The following NOTCH4 variants were observed in gnomAD, a reference collection of about 807,000 sequenced individuals.
NOTCH4 encodes the protein notch receptor 4.
NOTCH4 carries 138 observed loss-of-function variants against 189.0 expected under a neutral mutation model. That is an observed-to-expected ratio of 0.73 (90% CI 0.64 to 0.84). The LOEUF (loss-of-function observed/expected upper bound fraction) is 0.84, where lower values mean the gene tolerates loss of function less well. Among genes scored for constraint, NOTCH4 ranks in the 40% least tolerant of loss-of-function variants. The probability of loss-of-function intolerance (pLI) is 0.00; values close to 1 mark genes in which losing one functional copy is unlikely to be tolerated. For synonymous variants in NOTCH4, 942 were observed against 1,032.8 expected, an observed-to-expected ratio of 0.91 and a Z score of 1.69; for missense variants, 2,286 against 2,605.4, an observed-to-expected ratio of 0.88 and a Z score of 2.67.
rs1440928738 is a variant in NOTCH4, at chr6:32,199,903, C to T, written c.4316-758G>A. ...CAGAAAACAAACACACAAAAAAAGG[C>T]TGAGTATCCATAACCCCAATCCCAA... On this transcript the variant is annotated intron_variant, in intron 23 of 29. Coordinates refer to ENST00000375023, the MANE Select transcript of NOTCH4 (RefSeq NM_004557.4). This position sits in a 1 kb window ranked among gnomAD's most constrained non-coding sequence, Gnocchi z 4.9. Among the ~76,000 whole-genome samples the T allele has an allele frequency of 6.6e-6, 1 of 152,030 alleles. No individual in the cohort carries two copies. Among genetic ancestry groups the T allele is most frequent in the Admixed American group, 6.6e-5 (1 of 15,250 alleles).
At position 32,210,521 on chromosome 6, in the gene NOTCH4, C is replaced by G. The variant is rs150562011; in HGVS notation, c.2865+231G>C. Among the ~76,000 whole-genome samples the G allele has an allele frequency of 6.6e-6, 1 of 152,054 alleles. No homozygotes were observed. Among genetic ancestry groups the G allele is most frequent in the Non-Finnish European group, 1.5e-5 (1 of 68,024 alleles). ...GGCTGATGCAAGTATCTATCTGGAA[C>G]GCAACAAAGGTCAGGACTCAGGCAG... On this transcript the variant is annotated intron_variant, in intron 18 of 29. Coordinates refer to ENST00000375023, the MANE Select transcript of NOTCH4 (RefSeq NM_004557.4). This position sits in a 1 kb window ranked among gnomAD's most constrained non-coding sequence, Gnocchi z 4.8.
In NOTCH4 at chr6:32,199,210, C is replaced by T. The variant is rs888119308; in HGVS notation, c.4316-65G>A. 10 of 1,260,464 alleles carry T rather than the reference C, an allele frequency of 7.9e-6. No individual in the cohort carries two copies. The highest frequency in any genetic ancestry group is 1.5e-5 in the South Asian group (1 of 66,460). 78.1% of individuals were successfully genotyped at this position (1,260,464 alleles called of 1,614,324 possible). A position where few individuals can be genotyped will look rare whatever the true frequency, so the allele number is the denominator to read the frequency against. The stretch of plus-strand genomic sequence containing the variant: ...GGTGAGACTGATTACTATTGGGAGA[C>T]CTTTGGACAAGTTTAGTAGCCGGTC... On this transcript the variant is annotated intron_variant, in intron 23 of 29. Coordinates refer to ENST00000375023, the MANE Select transcript of NOTCH4 (RefSeq NM_004557.4). The surrounding 1 kb of genome is among the most constrained non-coding windows in gnomAD (Gnocchi z 4.9).
chr6:32,217,004 C>G lies in NOTCH4; in HGVS notation c.1802G>C (p.Gly601Ala), dbSNP rs762081312. ...DECLSDPCPV[G>A]ASCLDLPGAF... ...TCCTGGAAGATCAAGGCAGCTGGCT[C>G]CAACGGGACATGGGTCACTCAGGCA... Residue 601 changes from glycine to alanine, a missense_variant, in exon 11 of 30, where the codon GGA (glycine) becomes GCA (alanine). Physicochemically the swap from Gly to Ala is moderately conservative, Grantham distance 60 (BLOSUM62 0). This residue lies in a region of NOTCH4 where 1,903 missense variants were observed against 2,261.9 expected (regional missense o/e 0.84). Transcript: ENST00000375023. The surrounding 1 kb of genome is among the most constrained non-coding windows in gnomAD (Gnocchi z 4.2). The G allele has an allele frequency of 6.2e-7, 1 of 1,613,108 alleles. No individual in the cohort carries two copies. The highest frequency in any genetic ancestry group is 8.5e-7 in the Non-Finnish European group (1 of 1,180,042).
Position 32,195,378 on chromosome 6 carries a change from T to TA in NOTCH4, c.*58_*59insT. On this transcript the variant is annotated 3_prime_UTR_variant, in exon 30 of 30. Transcript: ENST00000375023. The surrounding 1 kb of genome is among the most constrained non-coding windows in gnomAD (Gnocchi z 5.4). ...GATCCATCTTAAAACCAGGAAGGCC[T>TA]TCCAGCCTGCCTTTTAATGGGTAAT... is the stretch of plus-strand genomic sequence containing the variant. 6.7e-7 allele frequency: 1 copy of TA among 1,494,560 alleles called. No homozygotes were observed. Among genetic ancestry groups the TA allele is most frequent in the Admixed American group, 2.2e-5 (1 of 45,440 alleles). 92.6% of individuals were successfully genotyped at this position (1,494,560 alleles called of 1,614,324 possible).
Position 32,201,347 on chromosome 6 carries a change from C to T in NOTCH4, c.3909G>A (p.Leu1303=), listed in dbSNP as rs1177621330. ...WGPSLALLVV[L]SPPALDQQLF... ...GCTGCTGGTCTAGGGCTGGGGGGCTCAGTACCACCAGCAGGGCCAGGGAGG... is the reference window on the plus strand; with the variant it reads ...GCTGCTGGTCTAGGGCTGGGGGGCTTAGTACCACCAGCAGGGCCAGGGAGG... Residue 1303 remains leucine, a synonymous_variant, in exon 22 of 30, where the codon CTG becomes CTA. Coordinates refer to ENST00000375023, the MANE Select transcript of NOTCH4 (RefSeq NM_004557.4). The surrounding 1 kb of genome is among the most constrained non-coding windows in gnomAD (Gnocchi z 5.5). 4 of 1,608,800 alleles carry T rather than the reference C, an allele frequency of 2.5e-6. No individual in the cohort carries two copies. In the South Asian group the frequency reaches 4.4e-5, roughly 18 times the overall value.
At chr6:32,214,423 C>T (rs977783211) in intron 12 of NOTCH4, among the ~76,000 whole-genome samples, 168 bp from the exon 13 acceptor site, 3 of 147,314 alleles carry the variant, frequency 2.0e-5, no homozygotes, top group Admixed American at 6.8e-5. Flanking sequence ...AACACCTGCT[C>T]ATTTTCTCCA....
chr6:32,199,022 G>C lies in NOTCH4; in HGVS notation c.4439C>G (p.Ala1480Gly). The C allele has an allele frequency of 6.2e-7, 1 of 1,612,746 alleles. No homozygotes were observed. Among genetic ancestry groups the C allele is most frequent in the Non-Finnish European group, 8.5e-7 (1 of 1,179,884 alleles). ...LIRRRRREHG[A>G]LWLPPGFTRR... ...AGTGAAACCAGGGGGCAGCCAGAGA[G>C]CTCCATGCTCTCGGCGTCGACGCCG... is the stretch of plus-strand genomic sequence containing the variant. The change falls in exon 24 of 30, where the codon GCT becomes GGT. Residue 1480 changes from alanine (A) to glycine (G), a missense_variant. Transcript: ENST00000375023. The surrounding 1 kb of genome is among the most constrained non-coding windows in gnomAD (Gnocchi z 4.9).
In NOTCH4 at chr6:32,200,841, A is replaced by G. The variant is rs757918666; in HGVS notation, c.4305T>C (p.His1435=). ...CAAGGGGTCACCTACCGGTCCCTGC[A>G]TGAGGGTGGACAGCCAGCAGTGGTC... The part of the protein sequence containing the change: ...LPGPLLAVHP[H]AGTAPPANQL... The change falls in exon 23 of 30, where the codon CAT becomes CAC. Residue 1435 remains histidine (H), a synonymous_variant. Coordinates refer to ENST00000375023, the MANE Select transcript of NOTCH4 (RefSeq NM_004557.4). The surrounding 1 kb of genome is among the most constrained non-coding windows in gnomAD (Gnocchi z 5.0). The G allele has an allele frequency of 4.4e-6, 7 of 1,605,664 alleles. No individual in the cohort carries two copies. Among genetic ancestry groups the G allele is most frequent in the East Asian group, 4.5e-5 (2 of 44,778 alleles).
chr6:32,203,400 G>A, intron 20 of NOTCH4: 1 of 227,336 alleles, frequency 4.4e-6, no homozygotes, highest in Non-Finnish European at 8.5e-6. Context: ...ACCAATGTCA[G>A]TGTATCAGGA....
Position 32,201,068 on chromosome 6 carries a change from C to T in NOTCH4, c.4139+49G>A. On this transcript the variant is annotated intron_variant, in intron 22 of 29. Transcript: ENST00000375023. The surrounding 1 kb of genome is among the most constrained non-coding windows in gnomAD (Gnocchi z 5.5). ...CCCTGGCTCCCTTTCCTCCCTCTGC[C>T]CTCTTAAAAAAACTGGTGTCTGGCC... The T allele has an allele frequency of 6.4e-7, 1 of 1,572,422 alleles. No homozygotes were observed. Among genetic ancestry groups the T allele is most frequent in the Non-Finnish European group, 8.6e-7 (1 of 1,159,932 alleles).
At position 32,201,997 on chromosome 6, in the gene NOTCH4, A is replaced by G. The variant is rs1788377437; in HGVS notation, c.3755+79T>C. On this transcript the variant is annotated intron_variant, in intron 21 of 29. Transcript: ENST00000375023. The surrounding 1 kb of genome is among the most constrained non-coding windows in gnomAD (Gnocchi z 5.5). ...GAGCCCAAGGCTGTGGCCACACTGT[A>G]ACTCAGAGCCATCTACGTCCTTCCT... is the stretch of plus-strand genomic sequence containing the variant. 1 of 1,326,170 alleles carries G rather than the reference A, an allele frequency of 7.5e-7. No individual in the cohort carries two copies. Among genetic ancestry groups the G allele is most frequent in the Non-Finnish European group, 9.9e-7 (1 of 1,012,706 alleles). The allele number at this position is 1,326,170 out of a possible 1,614,324, so 82.2% of individuals were successfully genotyped here.
Position 32,195,387 on chromosome 6 carries a change from G to A in NOTCH4, c.*50C>T, listed in dbSNP as rs948200351. 1.3e-6 allele frequency: 2 copies of A among 1,505,576 alleles called. No homozygotes were observed. The highest frequency in any genetic ancestry group is 1.8e-6 in the Non-Finnish European group (2 of 1,123,064). 93.3% of individuals were successfully genotyped at this position (1,505,576 alleles called of 1,614,324 possible). A position where few individuals can be genotyped will look rare whatever the true frequency, so the allele number is the denominator to read the frequency against. Reference sequence around the variant, plus strand: ...TAAAACCAGGAAGGCCTTCCAGCCTGCCTTTTAATGGGTAATCATTTTTGG... The same window carrying A: ...TAAAACCAGGAAGGCCTTCCAGCCTACCTTTTAATGGGTAATCATTTTTGG... On this transcript the variant is annotated 3_prime_UTR_variant, in exon 30 of 30. Coordinates refer to ENST00000375023, the MANE Select transcript of NOTCH4 (RefSeq NM_004557.4). This position sits in a 1 kb window ranked among gnomAD's most constrained non-coding sequence, Gnocchi z 5.4.
rs1789734377 is a variant in NOTCH4 at position 32,220,997 on chromosome 6, G to A, written c.780C>T (p.His260=). ...QLMPEKDSTF[H]LCLCPPGFIG... The stretch of plus-strand genomic sequence containing the variant: ...ACACACCTGGGGGACAGAGGCAGAG[G>A]TGAAAGGTGGAGTCTTTCTCTGGCA... The change falls in exon 4 of 30, where the codon CAC becomes CAT. Residue 260 remains histidine, a synonymous_variant. Transcript: ENST00000375023. The A allele has an allele frequency of 1.2e-6, 2 of 1,604,734 alleles. No homozygotes were observed. Among genetic ancestry groups the A allele is most frequent in the African/African-American group, 1.3e-5 (1 of 74,756 alleles).
chr6:32,204,270 A>G lies in NOTCH4; in HGVS notation c.2985T>C (p.Pro995=). Residue 995 remains proline, a synonymous_variant, in exon 19 of 30, where the codon CCT becomes CCC. Transcript: ENST00000375023. ...PKPGGFHCAC[P]PGFVGLRCEG... ...CACAGCGTAGCCCCACAAAGCCTGG[A>G]GGGCAGGCACAGTGGAATCCTCCAG... 6.2e-7 allele frequency: 1 copy of G among 1,613,082 alleles called. No individual in the cohort carries two copies. Among genetic ancestry groups the G allele is most frequent in the Non-Finnish European group, 8.5e-7 (1 of 1,180,040 alleles).
In NOTCH4 at chr6:32,204,130, G is replaced by A. The variant is rs1273953942; in HGVS notation, c.3118+7C>T. On this transcript the variant is annotated splice_region_variant and intron_variant, in intron 19 of 29. Transcript: ENST00000375023. ...ACACACTTGTGCCCCTTGTCTTGGG[G>A]CCTCACCTGTGTGTCCAGGCAGACA... 1.2e-6 allele frequency: 2 copies of A among 1,612,148 alleles called. No homozygotes were observed. Among genetic ancestry groups the A allele is most frequent in the African/African-American group, 1.3e-5 (1 of 75,020 alleles).
intron 4 of NOTCH4, 24 bp downstream of exon 4, chr6:32,220,954 C>T (rs760537848): frequency 8.2e-6 from 13 of 1,592,006 alleles, no homozygotes; most frequent in South Asian, 4.5e-5. Context: ...GAGGGGCGGC[C>T]GGAGAGCCCC....
At position 32,221,451 on chromosome 6, in the gene NOTCH4, T is replaced by C. The variant is rs949023534; in HGVS notation, c.452-126A>G. ...TCATATTTCCTTCCCTTTATTACCATACTTTCTTTGCTCTGTTCCATCACC... is the reference window on the plus strand; with the variant it reads ...TCATATTTCCTTCCCTTTATTACCACACTTTCTTTGCTCTGTTCCATCACC... On this transcript the variant is annotated intron_variant, in intron 3 of 29. Transcript: ENST00000375023. This position sits in a 1 kb window ranked among gnomAD's most constrained non-coding sequence, Gnocchi z 4.3. 3 of 700,038 alleles carry C rather than the reference T, an allele frequency of 4.3e-6. No homozygotes were observed. Among genetic ancestry groups the C allele is most frequent in the Admixed American group, 2.8e-5 (1 of 35,750 alleles). 43.4% of individuals were successfully genotyped at this position (700,038 alleles called of 1,614,324 possible). A position where few individuals can be genotyped will look rare whatever the true frequency, so the allele number is the denominator to read the frequency against.
Position 32,204,209 on chromosome 6 carries a change from G to A in NOTCH4, c.3046C>T (p.His1016Tyr). 1 of 1,613,018 alleles carries A rather than the reference G, an allele frequency of 6.2e-7. No homozygotes were observed. The highest frequency in any genetic ancestry group is 8.5e-7 in the Non-Finnish European group (1 of 1,180,008). Residue 1016 changes from histidine to tyrosine, a missense_variant, in exon 19 of 30, where the codon CAC becomes TAC. Coordinates refer to ENST00000375023, the MANE Select transcript of NOTCH4 (RefSeq NM_004557.4). ...TGGCAGGCTGCAGTGCCTGTGGGGT[G>A]GCAGGGCTGGTCCAGACACTCGTCC... Reference protein sequence around the residue: ...DVDECLDQPCHPTGTAACHSL... With the variant: ...DVDECLDQPCYPTGTAACHSL...
intron 17 of NOTCH4, among the ~76,000 whole-genome samples, chr6:32,211,448 A>AG (rs28383874): frequency 2.7e-5 from 4 of 147,544 alleles, no homozygotes; most frequent in Non-Finnish European, 6.0e-5. Flanking sequence ...AAAAAAAAAA[A>AG]TTAGCTGGGC....
Sources: allele counts gnomAD v4.1 joint callset (sites outside exome capture counted in the v4.1 genomes callset), GRCh38; gene constraint gnomAD v4.1.1; regional missense constraint gnomAD v4.1.1; non-coding constraint Gnocchi (gnomAD v3.1); transcripts MANE v1.5; gene names NCBI Gene and HGNC (gene_info 2026-07-23, HGNC 2026-07-21).